The following STK17A variants were observed in gnomAD, a reference collection of about 807,000 sequenced individuals.
STK17A encodes the protein serine/threonine kinase 17a, also known as serine/threonine-protein kinase 17A.
STK17A carries 26 observed loss-of-function variants against 43.7 expected under a neutral mutation model. That is an observed-to-expected ratio of 0.60 (90% confidence interval 0.44 to 0.83). The LOEUF is 0.83. Among genes scored for constraint, STK17A ranks in the 40% least tolerant of loss-of-function variants. The pLI, the probability that STK17A is intolerant of heterozygous loss-of-function variation, is 0.00. For synonymous variants in STK17A, 191 were observed against 182.5 expected, an observed-to-expected ratio of 1.05 and a Z score of -0.38; for missense variants, 476 against 511.6, an observed-to-expected ratio of 0.93 and a Z score of 0.67.
In STK17A at chr7:43,623,768, A is replaced by G. The variant is rs1368086715; in HGVS notation, c.800A>G (p.Asp267Gly). The change falls in exon 6 of 7, where the codon GAT (aspartate) becomes GGT (glycine). Residue 267 changes from aspartate (D) to glycine (G), a missense_variant. By Grantham distance (94) the Asp-to-Gly change is moderately conservative (BLOSUM62 -1). This residue lies in a region of STK17A where 46 missense variants were observed against 81.6 expected (regional missense o/e 0.56). Coordinates refer to ENST00000319357, the MANE Select transcript of STK17A (RefSeq NM_004760.3). ...GGAATATCACCTTTCTTAGGCAATG[A>G]TAAACAAGAAACATTCTTAAACATC... is the stretch of plus-strand genomic sequence containing the variant. ...LTGISPFLGN[D>G]KQETFLNISQ... 6.2e-7 allele frequency: 1 copy of G among 1,608,604 alleles called. No individual in the cohort carries two copies. The highest frequency in any genetic ancestry group is 1.3e-5 in the African/African-American group (1 of 74,862).
At chr7:43,598,150 G>A (rs1028754240) in intron 2 of STK17A, among the ~76,000 whole-genome samples, 1 of 152,032 alleles carries the variant, frequency 6.6e-6, no homozygotes, top group Non-Finnish European at 1.5e-5. Flanking sequence ...AAATGTAACG[G>A]TTATGAGCAG....
intron 2 of STK17A, among the ~76,000 whole-genome samples, chr7:43,597,095 T>G (rs1167009183): frequency 6.6e-6 from 1 of 152,076 alleles, no homozygotes; most frequent in Non-Finnish European, 1.5e-5. Flanking sequence ...ACCTCTAATA[T>G]TCATCTAGCC....
chr7:43,609,074 A>G (rs2082660369), intron 3 of STK17A: 1 of 152,324 alleles, frequency 6.6e-6, no homozygotes, highest in Non-Finnish European at 1.5e-5. Flanking sequence ...AAAACAAGGA[A>G]ATTTTAGTGG....
intron 2 of STK17A, among the ~76,000 whole-genome samples, chr7:43,596,629 G>C (rs1157236597): frequency 6.6e-6 from 1 of 152,192 alleles, no homozygotes; most frequent in Non-Finnish European, 1.5e-5. Flanking sequence ...CACTTTGAGA[G>C]GCCGAGGCAG....
At chr7:43,619,461 ATTTCT>A in intron 3 of STK17A, 131 bp from the exon 4 acceptor site, 1 of 1,156,498 alleles carries the variant, frequency 8.6e-7, no homozygotes. Context: ...TTGTAAAAAT[ATTTCT>A]TTAACAAATG....
chr7:43,597,001 T>TA (rs2082520437), intron 2 of STK17A, among the ~76,000 whole-genome samples: 1 of 152,004 alleles, frequency 6.6e-6, no homozygotes, highest in African/African-American at 2.4e-5. Context: ...CTGTCTCTTT[T>TA]AAAAAATAAT....
At position 43,583,292 on chromosome 7, in the gene STK17A, A is replaced by C; in HGVS notation, c.49A>C (p.Thr17Pro). The change falls in exon 1 of 7, where the codon ACC becomes CCC. Residue 17 changes from threonine (T) to proline (P), a missense_variant. Thr to Pro is a conservative substitution (Grantham distance 38). Around this residue, in one of 3 missense-constraint regions of STK17A, gnomAD observed 320 missense variants for 326.3 expected, o/e 0.98. Coordinates refer to ENST00000319357, the MANE Select transcript of STK17A (RefSeq NM_004760.3). Reference sequence around the variant, plus strand: ...CAGCGGCGGCTCCTCCCCAGGCGCCACCTCAGGCTCGGGCCGGGCAGGCCG... The same window carrying C: ...CAGCGGCGGCTCCTCCCCAGGCGCCCCCTCAGGCTCGGGCCGGGCAGGCCG... Reference protein sequence around the residue: ...PGSGGSSPGATSGSGRAGRGL... With the variant: ...PGSGGSSPGAPSGSGRAGRGL... The C allele has an allele frequency of 6.5e-7, 1 of 1,539,416 alleles. No homozygotes were observed. Among genetic ancestry groups the C allele is most frequent in the Non-Finnish European group, 8.7e-7 (1 of 1,146,226 alleles).
intron 1 of STK17A, among the ~76,000 whole-genome samples, chr7:43,589,486 G>C (rs1583546393): frequency 1.3e-5 from 2 of 151,238 alleles, no homozygotes; most frequent in East Asian, 3.9e-4. Flanking sequence ...CTTCACCTTT[G>C]CTTATAATCC....
intron 1 of STK17A, 59 bp from the exon 2 acceptor site, chr7:43,595,842 A>T: frequency 6.6e-7 from 1 of 1,522,680 alleles, no homozygotes; most frequent in Non-Finnish European, 9.0e-7. Context: ...ATTTCATTGA[A>T]ATCTGCCATC....
chr7:43,587,528 A>G (rs753397257), intron 1 of STK17A, among the ~76,000 whole-genome samples: 1 of 151,482 alleles, frequency 6.6e-6, no homozygotes, highest in Non-Finnish European at 1.5e-5. Context: ...AGAATATTCA[A>G]ACTGAAAGGG....
intron 2 of STK17A, 44 bp from the exon 3 acceptor site, chr7:43,608,212 A>G (rs2082630166): frequency 6.4e-7 from 1 of 1,562,926 alleles, no homozygotes; most frequent in African/African-American, 1.4e-5. Context: ...AGTGTTCGCC[A>G]TTTCTTATGA....
rs1215623178 is a variant in STK17A at position 43,623,296 on chromosome 7, T to C, written c.692-276T>C. ...GAGACAATGCTTAATAACACAGAGA[T>C]TGTCAGTTTATGTTTGGTGTTTTTA... On this transcript the variant is annotated intron_variant, in intron 4 of 6. Transcript: ENST00000319357. The C allele has an allele frequency of 1.1e-5, 4 of 349,172 alleles. No individual in the cohort carries two copies. In the Admixed American group the frequency reaches 2.0e-4, roughly 17 times the overall value. The allele number at this position is 349,172 out of a possible 1,614,324, so 21.6% of individuals were successfully genotyped here. A position where few individuals can be genotyped will look rare whatever the true frequency, so the allele number is the denominator to read the frequency against.
Position 43,625,397 on chromosome 7 carries a change from G to T in STK17A, c.*555G>T, listed in dbSNP as rs1271347871. The T allele has an allele frequency of 6.6e-6, 1 of 152,136 alleles. No homozygotes were observed. The highest frequency in any genetic ancestry group is 2.4e-5 in the African/African-American group (1 of 41,394). 9.4% of individuals were successfully genotyped at this position (152,136 alleles called of 1,614,324 possible). A position where few individuals can be genotyped will look rare whatever the true frequency, so the allele number is the denominator to read the frequency against. On this transcript the variant is annotated 3_prime_UTR_variant, in exon 7 of 7. Transcript: ENST00000319357. ...TTTTCTTACTGCTTTATAGTGACTT[G>T]ATTTGGTTTCTGTTGTGTTTTTGCC...
chr7:43,587,154 G>GTTTTT (rs71011929), intron 1 of STK17A, among the ~76,000 whole-genome samples: 3 of 112,092 alleles, frequency 2.7e-5, no homozygotes, highest in Non-Finnish European at 3.6e-5. Context: ...ATTGTTTTTT[G>GTTTTT]TTTTTTTTTT....
intron 3 of STK17A, among the ~76,000 whole-genome samples, chr7:43,612,023 T>C (rs934128729): frequency 2.6e-5 from 4 of 152,352 alleles, no homozygotes; most frequent in African/African-American, 9.6e-5. Flanking sequence ...TTTAAGTGTG[T>C]ATTTACACAA....
At chr7:43,592,798 G>A (rs1477635381) in intron 1 of STK17A, among the ~76,000 whole-genome samples, 6 of 152,178 alleles carry the variant, frequency 3.9e-5, no homozygotes, top group South Asian at 2.1e-4. Context: ...CCCGAGAAGC[G>A]GAGGTTGCAG....
In STK17A at chr7:43,624,530, T is replaced by A. The variant is rs201695280; in HGVS notation, c.933T>A (p.Thr311=). The part of the protein sequence containing the change: ...LLVKKPEDRA[T]AEECLKHPWL... ...TGTATCTTTACAGAGATCGAGCCAC[T>A]GCTGAAGAATGTCTAAAGCACCCCT... The change falls in exon 7 of 7, where the codon ACT becomes ACA. Residue 311 remains threonine, a synonymous_variant. Coordinates refer to ENST00000319357, the MANE Select transcript of STK17A (RefSeq NM_004760.3). 8 of 1,612,010 alleles carry A rather than the reference T, an allele frequency of 5.0e-6. No homozygotes were observed. The highest frequency in any genetic ancestry group is 6.8e-6 in the Non-Finnish European group (8 of 1,178,870).
rs1352494963 is a variant in STK17A, at chr7:43,595,936, A to T, written c.242A>T (p.Lys81Ile). 2.5e-6 allele frequency: 4 copies of T among 1,613,904 alleles called. No individual in the cohort carries two copies. Among genetic ancestry groups the T allele is most frequent in the Non-Finnish European group, 1.7e-6 (2 of 1,179,914 alleles). ...KFAVVRKCIK[K>I]DSGKEFAAKF... is the part of the protein sequence containing the mutation. ...GCAGTGGTGAGAAAATGTATAAAGA[A>T]AGATTCTGGGAAAGAATTTGCTGCA... The change falls in exon 2 of 7, where the codon AAA becomes ATA. Residue 81 changes from lysine to isoleucine, a missense_variant. Coordinates refer to ENST00000319357, the MANE Select transcript of STK17A (RefSeq NM_004760.3).
intron 1 of STK17A, among the ~76,000 whole-genome samples, chr7:43,586,536 A>G (rs2082440561): frequency 6.6e-6 from 1 of 151,498 alleles, no homozygotes; most frequent in Non-Finnish European, 1.5e-5. Context: ...TGCCAATGTA[A>G]ACCACATTAA....
Sources: gnomAD v4.1 joint callset for allele counts (sites outside exome capture counted in the v4.1 genomes callset) on GRCh38, gnomAD v4.1.1 for gene constraint, gnomAD v4.1.1 regional missense constraint, MANE v1.5 for transcripts, NCBI Gene and HGNC (gene_info 2026-07-23, HGNC 2026-07-21) for gene names.